The following FAM186B variants were observed in gnomAD, a reference collection of about 807,000 sequenced individuals.
FAM186B encodes family with sequence similarity 186 member B.
FAM186B carries 68 observed loss-of-function variants against 83.4 expected under a neutral mutation model. That is an observed-to-expected ratio of 0.81 (90% CI 0.67 to 1.00). FAM186B has a LOEUF of 1.00. Ranked by LOEUF, FAM186B falls within the 50% of genes least tolerant of loss-of-function variation. The pLI is 0.00. For synonymous variants in FAM186B, 389 were observed against 422.0 expected, an observed-to-expected ratio of 0.92 and a Z score of 0.96; for missense variants, 983 against 1,099.2, an observed-to-expected ratio of 0.89 and a Z score of 1.49.
intron 5 of FAM186B, chr12:49,595,713 G>T: frequency 3.1e-6 from 1 of 325,806 alleles, no homozygotes; most frequent in Admixed American, 3.6e-5. Context: ...GCTGGGCGCG[G>T]TGGTTCACGC....
chr12:49,609,580 C>A (rs1256645951), upstream of FAM186B, among the ~76,000 whole-genome samples: 1 of 152,200 alleles, frequency 6.6e-6, no homozygotes, highest in Non-Finnish European at 1.5e-5. Context: ...TGCCACCCCA[C>A]CCTCCCTGTG....
At chr12:49,598,383 T>G (rs1200466351) in intron 5 of FAM186B, among the ~76,000 whole-genome samples, 1 of 152,046 alleles carries the variant, frequency 6.6e-6, no homozygotes, top group African/African-American at 2.4e-5. Context: ...GCCACCAGAC[T>G]GACAGGAGCA....
In FAM186B at chr12:49,604,298, A is replaced by G; in HGVS notation, c.322+15T>C. 1 of 1,607,276 alleles carries G rather than the reference A, an allele frequency of 6.2e-7. No homozygotes were observed. Among genetic ancestry groups the G allele is most frequent in the South Asian group, 1.1e-5 (1 of 90,844 alleles). ...CCCTCCCAGAGGAGGCACGGTGCCCAGCCTGCAAACTCACCCCAGTCACCC... is the reference window on the plus strand; with the variant it reads ...CCCTCCCAGAGGAGGCACGGTGCCCGGCCTGCAAACTCACCCCAGTCACCC... On this transcript the variant is annotated intron_variant, in intron 2 of 6. Coordinates refer to ENST00000257894, the MANE Select transcript of FAM186B (RefSeq NM_032130.3).
At chr12:49,605,640 G>A (rs1940002574), upstream of FAM186B, 1 of 621,760 alleles carries the variant, frequency 1.6e-6, no homozygotes, top group Admixed American at 3.3e-5. Context: ...GGTTCCAACT[G>A]ATCCTCTTTT....
chr12:49,595,798 A>G (rs1241496389), intron 5 of FAM186B: 12 of 192,962 alleles, frequency 6.2e-5, no homozygotes, highest in Non-Finnish European at 1.1e-5. Context: ...CCTGGCTAAC[A>G]CAGTGAAAAC....
At chr12:49,608,957 G>C (rs772663451), upstream of FAM186B, among the ~76,000 whole-genome samples, 27 of 152,256 alleles carry the variant, frequency 1.8e-4, no homozygotes, top group South Asian at 8.3e-4. Context: ...TTTAATCCAG[G>C]CATACAAAGT....
At chr12:49,622,402 G>A in the FAM186B span, among the ~76,000 whole-genome samples, 3 of 152,214 alleles carry the variant, frequency 2.0e-5, no homozygotes, top group Non-Finnish European at 4.4e-5. Flanking sequence ...CAGCTACTCG[G>A]AGGCTGAGGG....
chr12:49,621,393 A>C, the FAM186B span, among the ~76,000 whole-genome samples: 1 of 152,140 alleles, frequency 6.6e-6, no homozygotes, highest in South Asian at 2.1e-4. Flanking sequence ...ACAACAACAA[A>C]AGAATGAGGC....
chr12:49,619,880 A>G, the FAM186B span, among the ~76,000 whole-genome samples: 2 of 151,630 alleles, frequency 1.3e-5, no homozygotes, highest in Non-Finnish European at 2.9e-5. Context: ...GGGTTTCACC[A>G]TATTAGCCAG....
Position 49,600,883 on chromosome 12 carries a change from CCTT to C in FAM186B, c.754_756del (p.Lys252del). ...TATTTGGTCTCCAGGCTCCTGTTCT[CCTT>C]GTGTTGGAGGATCAAGGCCTTGTTG... On this transcript the variant is annotated inframe_deletion, in exon 4 of 7. Transcript: ENST00000257894. The surrounding 1 kb of genome is among the most constrained non-coding windows in gnomAD (Gnocchi z 4.3). 6.2e-7 allele frequency: 1 copy of C among 1,614,158 alleles called. No homozygotes were observed. The highest frequency in any genetic ancestry group is 8.5e-7 in the Non-Finnish European group (1 of 1,180,004).
chr12:49,599,895 C>T lies in FAM186B; in HGVS notation c.1745G>A (p.Arg582Gln), dbSNP rs52824916. ...CCTGCTTTGGTGAGCAGATTGGGTCCGGCTTGGGGCAGGCACTAATGATAG... is the reference window on the plus strand; with the variant it reads ...CCTGCTTTGGTGAGCAGATTGGGTCTGGCTTGGGGCAGGCACTAATGATAG... The part of the protein sequence containing the change: ...AELSLVPAPS[R>Q]TQSAHQSRRP... Residue 582 changes from arginine to glutamine, a missense_variant, in exon 4 of 7, where the codon CGG becomes CAG. Arg to Gln is a conservative substitution (Grantham distance 43). Transcript: ENST00000257894. The T allele has an allele frequency of 0.091, 147,115 of 1,610,444 alleles. 7,126 individuals carry two copies. The highest frequency in any genetic ancestry group is 0.18 in the African/African-American group (13,851 of 74,878).
downstream of FAM186B, chr12:49,584,317 G>A: frequency 1.7e-6 from 1 of 584,266 alleles, no homozygotes; most frequent in South Asian, 2.1e-5. Context: ...AAAATGTAGA[G>A]TTTGGGGACT....
At chr12:49,585,025 T>C (rs968192015), downstream of FAM186B, among the ~76,000 whole-genome samples, 9 of 152,056 alleles carry the variant, frequency 5.9e-5, no homozygotes, top group East Asian at 1.9e-4. Context: ...TGTTTCGTTT[T>C]GTTTTGTTTT....
the FAM186B span, among the ~76,000 whole-genome samples, chr12:49,611,148 G>A: frequency 6.6e-6 from 1 of 152,090 alleles, no homozygotes; most frequent in African/African-American, 2.4e-5. Context: ...TGAGGCAGGT[G>A]GATCATCTGA....
chr12:49,620,324 CT>C, the FAM186B span, among the ~76,000 whole-genome samples: 2 of 152,252 alleles, frequency 1.3e-5, no homozygotes, highest in South Asian at 2.1e-4. Context: ...GTTAATTTAA[CT>C]TTTTTCTGCC....
intron 5 of FAM186B, among the ~76,000 whole-genome samples, chr12:49,597,376 A>G (rs1490576824): frequency 6.7e-6 from 1 of 149,684 alleles, no homozygotes; most frequent in Non-Finnish European, 1.5e-5. Flanking sequence ...AAAATATCGC[A>G]TGATCTCACT....
At chr12:49,598,662 C>A (rs1592551392) in intron 5 of FAM186B, 93 bp downstream of exon 5, 2 of 1,176,822 alleles carry the variant, frequency 1.7e-6, no homozygotes, top group East Asian at 5.0e-5. Flanking sequence ...CAGTCTCAGC[C>A]ACATCCCCAC....
intron 5 of FAM186B, among the ~76,000 whole-genome samples, chr12:49,596,501 T>C (rs1939730448): frequency 6.6e-6 from 1 of 150,786 alleles, no homozygotes; most frequent in African/African-American, 2.4e-5. Context: ...AAAAAAGACA[T>C]AAAAATGGCC....
chr12:49,584,430 T>C (rs965023018), downstream of FAM186B: 1 of 694,588 alleles, frequency 1.4e-6, no homozygotes, highest in Non-Finnish European at 2.6e-6. Context: ...GACCAAGTTC[T>C]CTGTGGGTTT....
Sources: allele counts gnomAD v4.1 joint callset (sites outside exome capture counted in the v4.1 genomes callset), GRCh38; gene constraint gnomAD v4.1.1; non-coding constraint Gnocchi (gnomAD v3.1); transcripts MANE v1.5; gene names NCBI Gene and HGNC (gene_info 2026-07-23, HGNC 2026-07-21).